Variants in NOL4L observed in about 807,000 individuals in gnomAD.
The protein encoded by NOL4L is nucleolar protein 4-like.
In NOL4L, 7 loss-of-function variants were observed where a neutral mutation model predicts 64.5. That is an observed-to-expected ratio of 0.11 (90% CI 0.06 to 0.20). The LOEUF (loss-of-function observed/expected upper bound fraction) is 0.20. Ranked by LOEUF, NOL4L falls within the 10% of genes least tolerant of loss-of-function variation. The pLI is 1.00. For synonymous variants in NOL4L, 413 were observed against 401.0 expected, an observed-to-expected ratio of 1.03 and a Z score of -0.36; for missense variants, 680 against 967.1, an observed-to-expected ratio of 0.70 and a Z score of 3.94.
intron 5 of NOL4L, among the ~76,000 whole-genome samples, chr20:32,467,804 C>G (rs761268040): frequency 6.6e-6 from 1 of 152,210 alleles, no homozygotes; most frequent in Non-Finnish European, 1.5e-5. Context: ...GATCTGAGCT[C>G]TGTGTGCCCC....
chr20:32,466,240 T>C (rs768841163), intron 5 of NOL4L, among the ~76,000 whole-genome samples: 2 of 152,172 alleles, frequency 1.3e-5, no homozygotes, highest in Admixed American at 6.5e-5. Context: ...AGTGCTGGGA[T>C]TATGGGCATG....
chr20:32,577,222 TCTC>T (rs1204729052), intron 1 of NOL4L, among the ~76,000 whole-genome samples: 2 of 152,114 alleles, frequency 1.3e-5, no homozygotes, highest in Admixed American at 6.5e-5. Flanking sequence ...CATTGTGTGT[TCTC>T]CTCACAAATC....
At chr20:32,481,764 G>A (rs991862500) in intron 4 of NOL4L, among the ~76,000 whole-genome samples, 3 of 152,166 alleles carry the variant, frequency 2.0e-5, no homozygotes. Flanking sequence ...TTTACTACCC[G>A]GGGGGCTAAA....
At chr20:32,485,076 A>AAAAAAAAAAAAAAAAAAAAAAAAAAAAG in intron 4 of NOL4L, among the ~76,000 whole-genome samples, 1 of 148,188 alleles carries the variant, frequency 6.7e-6, no homozygotes, top group African/African-American at 2.5e-5. Flanking sequence ...AAAAAAAAAA[A>AAAAAAAAAAAAAAAAAAAAAAAAAAAAG]AAAAAAAAAA....
chr20:32,522,029 A>G (rs1259072745), intron 2 of NOL4L, among the ~76,000 whole-genome samples: 1 of 152,232 alleles, frequency 6.6e-6, no homozygotes, highest in Non-Finnish European at 1.5e-5. Flanking sequence ...GCTCCTTTAG[A>G]AATGCACGAA....
At chr20:32,566,162 G>T (rs988060268) in intron 1 of NOL4L, among the ~76,000 whole-genome samples, 1 of 152,180 alleles carries the variant, frequency 6.6e-6, no homozygotes, top group African/African-American at 2.4e-5. Context: ...TTGCAACTCG[G>T]TTCTATGGGC....
At chr20:32,542,869 A>G (rs534629337) in intron 1 of NOL4L, among the ~76,000 whole-genome samples, 1 of 152,262 alleles carries the variant, frequency 6.6e-6, no homozygotes, top group East Asian at 1.9e-4. Flanking sequence ...TGGGCACGTG[A>G]CTTAACCTCT....
chr20:32,480,369 G>A (rs952538899), intron 4 of NOL4L, among the ~76,000 whole-genome samples: 2 of 152,204 alleles, frequency 1.3e-5, no homozygotes, highest in Non-Finnish European at 2.9e-5. Context: ...GGGCAGGGAT[G>A]TGCAGGGGAT....
intron 10 of NOL4L, among the ~76,000 whole-genome samples, chr20:32,450,633 G>A (rs1346352987): frequency 6.6e-6 from 1 of 152,166 alleles, no homozygotes; most frequent in African/African-American, 2.4e-5. Flanking sequence ...CCCTTAGGAG[G>A]GTCAGGGGGA....
At chr20:32,498,009 C>G in intron 4 of NOL4L, among the ~76,000 whole-genome samples, 1 of 152,178 alleles carries the variant, frequency 6.6e-6, no homozygotes, top group East Asian at 1.9e-4. Context: ...ATTTTTTCCC[C>G]CAGATAATAA....
chr20:32,559,529 C>T (rs972890215), intron 1 of NOL4L, among the ~76,000 whole-genome samples: 21 of 152,208 alleles, frequency 1.4e-4, no homozygotes, highest in Non-Finnish European at 8.8e-5. Context: ...CGGCACTGCT[C>T]GGAGCACTTG....
chr20:32,584,986 G>T lies in NOL4L; in HGVS notation c.-96C>A. ...GCTGGGCTGGACCGGGCCGGGACGC[G>T]CCGCGGCCGCGTCTGTCCCGCGGTG... On this transcript the variant is annotated 5_prime_UTR_variant, in exon 1 of 11. Transcript: ENST00000621426. 1.5e-6 allele frequency: 1 copy of T among 668,606 alleles called. No individual in the cohort carries two copies. The highest frequency in any genetic ancestry group is 1.8e-6 in the Non-Finnish European group (1 of 541,286). 41.4% of individuals were successfully genotyped at this position (668,606 alleles called of 1,614,324 possible).
chr20:32,491,102 G>A (rs1467904857), intron 4 of NOL4L, among the ~76,000 whole-genome samples: 1 of 152,214 alleles, frequency 6.6e-6, no homozygotes, highest in Admixed American at 6.5e-5. Flanking sequence ...ACATGGCAAT[G>A]TACAATACAG....
At chr20:32,455,104 CCT>C (rs1486637693) in intron 6 of NOL4L, among the ~76,000 whole-genome samples, 3 of 152,238 alleles carry the variant, frequency 2.0e-5, no homozygotes, top group African/African-American at 2.4e-5. Context: ...TCAGCCAAAC[CCT>C]GAGCCAGGGC....
At chr20:32,518,538 C>T (rs2017777655) in intron 3 of NOL4L, among the ~76,000 whole-genome samples, 2 of 152,210 alleles carry the variant, frequency 1.3e-5, no homozygotes, top group African/African-American at 2.4e-5. Context: ...TCCATACTGC[C>T]GTGGGATGTG....
At chr20:32,459,811 G>A (rs2013882853) in intron 5 of NOL4L, among the ~76,000 whole-genome samples, 1 of 152,228 alleles carries the variant, frequency 6.6e-6, no homozygotes, top group Non-Finnish European at 1.5e-5. Context: ...TGGGATGACA[G>A]ACGTGAGCCA....
intron 1 of NOL4L, among the ~76,000 whole-genome samples, chr20:32,582,476 C>G (rs1420931068): frequency 6.6e-6 from 1 of 151,882 alleles, no homozygotes; most frequent in Non-Finnish European, 1.5e-5. Context: ...GGAGGGGGTG[C>G]TCAGCCTCTA....
chr20:32,489,809 CAAAT>C (rs549441798), intron 4 of NOL4L, among the ~76,000 whole-genome samples: 1 of 149,156 alleles, frequency 6.7e-6, no homozygotes, highest in Admixed American at 6.7e-5. Flanking sequence ...GACTCCCTCT[CAAAT>C]AAATAAATAA....
At chr20:32,536,275 C>A in intron 1 of NOL4L, 1 of 985,374 alleles carries the variant, frequency 1.0e-6, no homozygotes, top group Non-Finnish European at 1.2e-6. Context: ...TAGCCCTGAG[C>A]CAGCCAGGCC....
Sources: allele counts gnomAD v4.1 joint callset (sites outside exome capture counted in the v4.1 genomes callset), GRCh38; gene constraint gnomAD v4.1.1; transcripts MANE v1.5; gene names NCBI Gene and HGNC (gene_info 2026-07-23, HGNC 2026-07-21).